The following MBOAT7 variants were observed in gnomAD, a reference collection of about 807,000 sequenced individuals.
MBOAT7 encodes the protein membrane-bound acylglycerophosphatidylinositol O-acyltransferase MBOAT7.
In MBOAT7, 40 loss-of-function variants were observed where a neutral mutation model predicts 47.4. That is an observed-to-expected ratio of 0.84 (90% CI 0.66 to 1.10). The LOEUF (loss-of-function observed/expected upper bound fraction) is 1.10. Among genes scored for constraint, MBOAT7 ranks in the 50% least tolerant of loss-of-function variants. MBOAT7 has a pLI of 0.00. For missense variants in MBOAT7, 680 were observed against 655.6 expected, an observed-to-expected ratio of 1.04 and a Z score of -0.41; for synonymous variants, 361 against 292.0, an observed-to-expected ratio of 1.24 and a Z score of -2.41.
intron 3 of MBOAT7, 36 bp downstream of exon 3, chr19:54,188,181 C>T (rs746620417): frequency 6.4e-7 from 1 of 1,559,712 alleles, no homozygotes; most frequent in Admixed American, 2.0e-5. Flanking sequence ...CCCCCTCTCC[C>T]CTCCTCTCCC....
chr19:54,182,244 G>GA (rs146890052), intron 5 of MBOAT7, among the ~76,000 whole-genome samples: 30 of 145,186 alleles, frequency 2.1e-4, no homozygotes, highest in East Asian at 1.6e-3. Flanking sequence ...AAGATAAAAG[G>GA]AAAAAAAAAA....
chr19:54,176,135 C>A (rs943167997), intron 7 of MBOAT7, among the ~76,000 whole-genome samples: 1 of 151,906 alleles, frequency 6.6e-6, no homozygotes, highest in Admixed American at 6.6e-5. Flanking sequence ...GATTACAGGT[C>A]TGAGCCACCG....
At chr19:54,175,260 C>G (rs553413973) in intron 7 of MBOAT7, among the ~76,000 whole-genome samples, 27 of 152,238 alleles carry the variant, frequency 1.8e-4, no homozygotes, top group Middle Eastern at 6.8e-3. Flanking sequence ...TCACAGGTGT[C>G]AGACACCACA....
chr19:54,183,744 C>A, intron 4 of MBOAT7, 64 bp from the exon 5 acceptor site: 1 of 1,444,938 alleles, frequency 6.9e-7, no homozygotes. Context: ...CACCCATCTC[C>A]CTTGCGCGGC....
At chr19:54,188,935 G>A (rs2076544284) in intron 1 of MBOAT7, among the ~76,000 whole-genome samples, 1 of 151,292 alleles carries the variant, frequency 6.6e-6, no homozygotes, top group East Asian at 2.0e-4. Context: ...CAGGAATCTA[G>A]ACCTCCGAGC....
Position 54,173,887 on chromosome 19 carries a change from C to T in MBOAT7, c.*157G>A. 1 of 892,880 alleles carries T rather than the reference C, an allele frequency of 1.1e-6. No homozygotes were observed. The highest frequency in any genetic ancestry group is 1.6e-6 in the Non-Finnish European group (1 of 614,418). 55.3% of individuals were successfully genotyped at this position (892,880 alleles called of 1,614,324 possible). On this transcript the variant is annotated 3_prime_UTR_variant, in exon 8 of 8. Coordinates refer to ENST00000245615, the MANE Select transcript of MBOAT7 (RefSeq NM_024298.5). Reference sequence around the variant, plus strand: ...TCTGGGCAGAGGGCAGGGAGGACACCCCCGGGTCTGCTTCAGTTGCAGGCA... The same window carrying T: ...TCTGGGCAGAGGGCAGGGAGGACACTCCCGGGTCTGCTTCAGTTGCAGGCA...
intron 7 of MBOAT7, 92 bp downstream of exon 7, chr19:54,178,673 A>G (rs1198349155): frequency 2.0e-6 from 3 of 1,523,244 alleles, no homozygotes; most frequent in Non-Finnish European, 2.6e-6. Flanking sequence ...CTCCGGGGGC[A>G]GGGGCCCAGC....
Position 54,188,250 on chromosome 19 carries a change from AGG to A in MBOAT7, c.171_172del (p.Leu58ArgfsTer60). On this transcript the variant is annotated frameshift_variant, in exon 3 of 8. Coordinates refer to ENST00000245615, the MANE Select transcript of MBOAT7 (RefSeq NM_024298.5). LOFTEE classifies it high-confidence loss of function. Reference sequence around the variant, plus strand: ...GGCCTGAATGAGGGCCCAGGTCCCGAGGATGGTGACCAGAGAATGCAAAGTGT... The same window carrying A: ...GGCCTGAATGAGGGCCCAGGTCCCGAATGGTGACCAGAGAATGCAAAGTGT... The A allele has an allele frequency of 6.2e-7, 1 of 1,613,854 alleles. No individual in the cohort carries two copies. Among genetic ancestry groups the A allele is most frequent in the South Asian group, 1.1e-5 (1 of 91,042 alleles).
rs779669481 is a variant in MBOAT7 at position 54,183,690 on chromosome 19, A to AG, written c.334-11dup. On this transcript the variant is annotated splice_polypyrimidine_tract_variant and intron_variant, in intron 4 of 7. Transcript: ENST00000245615. ...TGGCCAGGCTCACCAGCTGGGCAGA[A>AG]GGGGGTGGGCAAGGGGCCAGGTCAG... 2 of 1,541,974 alleles carry AG rather than the reference A, an allele frequency of 1.3e-6. No homozygotes were observed. Among genetic ancestry groups the AG allele is most frequent in the African/African-American group, 2.8e-5 (2 of 71,966 alleles).
In MBOAT7 at chr19:54,175,274, G is replaced by A. The variant is rs932349330; in HGVS notation, c.1032-843C>T. On this transcript the variant is annotated intron_variant, in intron 7 of 7. Transcript: ENST00000245615. ...ATCACAGGTGTCAGACACCACACCC[G>A]GGCAGCCCGGTGGTTCTTAACCTGG... 5.3e-5 allele frequency among the ~76,000 whole-genome samples: 8 copies of A among 152,178 alleles called. No individual in the cohort carries two copies. The East Asian group carries it at 5.8e-4, about 11-fold the overall frequency.
Position 54,183,655 on chromosome 19 carries a change from T to C in MBOAT7, c.359A>G (p.Gln120Arg), listed in dbSNP as rs755063746. Residue 120 changes from glutamine to arginine, a missense_variant, in exon 5 of 8, where the codon CAG becomes CGG. By Grantham distance (43) the Gln-to-Arg change is conservative. Transcript: ENST00000245615. The stretch of plus-strand genomic sequence containing the variant: ...CTTCCTCTGGGCCAGATGCAGGTCC[T>C]GGACTTCACTGGCCAGGCTCACCAG... ...LKLVSLASEVQDLHLAQRKEM... is the reference protein window; with the variant it reads ...LKLVSLASEVRDLHLAQRKEM... 1.3e-6 allele frequency: 2 copies of C among 1,588,178 alleles called. No homozygotes were observed. The highest frequency in any genetic ancestry group is 1.7e-6 in the Non-Finnish European group (2 of 1,167,956).
At chr19:54,189,003 C>G (rs1197459456) in intron 1 of MBOAT7, among the ~76,000 whole-genome samples, 1 of 150,584 alleles carries the variant, frequency 6.6e-6, no homozygotes, top group Non-Finnish European at 1.5e-5. Flanking sequence ...CCCCATCCCC[C>G]GGCCCTTGTG....
chr19:54,173,791 C>A lies in MBOAT7; in HGVS notation c.*253G>T. 2.2e-6 allele frequency: 1 copy of A among 457,706 alleles called. No individual in the cohort carries two copies. Among genetic ancestry groups the A allele is most frequent in the Non-Finnish European group, 3.8e-6 (1 of 262,280 alleles). The allele number at this position is 457,706 out of a possible 1,614,324, so 28.4% of individuals were successfully genotyped here. ...GGGAAGTGCAGTGCTCTCTGGATAC[C>A]CAGAAGCTGGAGCAGGGGCCAGTGA... On this transcript the variant is annotated 3_prime_UTR_variant, in exon 8 of 8. Transcript: ENST00000245615.
chr19:54,174,977 T>G (rs1381575312), intron 7 of MBOAT7, among the ~76,000 whole-genome samples: 1 of 63,828 alleles, frequency 1.6e-5, no homozygotes, highest in East Asian at 3.7e-4. Flanking sequence ...GCCCAGTGGT[T>G]TTTTTTTTTT....
At chr19:54,177,531 G>A (rs2076142699) in intron 7 of MBOAT7, among the ~76,000 whole-genome samples, 1 of 152,020 alleles carries the variant, frequency 6.6e-6, no homozygotes, top group Non-Finnish European at 1.5e-5. Flanking sequence ...TCCTGACCTT[G>A]TGACCCACCC....
chr19:54,186,076 C>T (rs1390361519), intron 4 of MBOAT7, among the ~76,000 whole-genome samples: 1 of 151,156 alleles, frequency 6.6e-6, no homozygotes, highest in East Asian at 2.0e-4. Context: ...TGCAATGGTA[C>T]GATCTCAGCT....
At position 54,174,068 on chromosome 19, in the gene MBOAT7, G is replaced by T. The variant is rs781513873; in HGVS notation, c.1395C>A (p.Ala465=). 2 of 1,603,724 alleles carry T rather than the reference G, an allele frequency of 1.2e-6. No homozygotes were observed. Among genetic ancestry groups the T allele is most frequent in the Non-Finnish European group, 8.5e-7 (1 of 1,176,202 alleles). Reference sequence around the variant, plus strand: ...CTTACTCCTCCCGGAGCTTCTCCGGGGCAAGGCTGGTGGGCTGGGATGCTG... The same window carrying T: ...CTTACTCCTCCCGGAGCTTCTCCGGTGCAAGGCTGGTGGGCTGGGATGCTG... The part of the protein sequence containing the change: ...RKAASQPTSL[A]PEKLREE Residue 465 remains alanine, a synonymous_variant, in exon 8 of 8, where the codon GCC becomes GCA. Transcript: ENST00000245615.
At chr19:54,183,324 G>A (rs575843740) in intron 5 of MBOAT7, among the ~76,000 whole-genome samples, 197 bp downstream of exon 5, 5 of 152,202 alleles carry the variant, frequency 3.3e-5, no homozygotes, top group Non-Finnish European at 5.9e-5. Context: ...CTTAGGTTGA[G>A]ACAGCCAGCT....
At chr19:54,178,672 C>T in intron 7 of MBOAT7, 93 bp downstream of exon 7, 2 of 1,520,288 alleles carry the variant, frequency 1.3e-6, no homozygotes, top group South Asian at 1.3e-5. Flanking sequence ...CCTCCGGGGG[C>T]AGGGGCCCAG....
Sources: gnomAD v4.1 joint callset for allele counts (sites outside exome capture counted in the v4.1 genomes callset) on GRCh38, gnomAD v4.1.1 for gene constraint, MANE v1.5 for transcripts, NCBI Gene and HGNC (gene_info 2026-07-23, HGNC 2026-07-21) for gene names.